ZDBF2: variants seen among roughly 807,000 people sequenced by gnomAD.
The protein encoded by ZDBF2 is DBF4-type zinc finger-containing protein 2.
Under a neutral mutation model 9.4 loss-of-function variants are expected in ZDBF2, and 6 were observed. That is an observed-to-expected ratio of 0.64 (90% confidence interval 0.35 to 1.27). The LOEUF is 1.27. Ranked by LOEUF, ZDBF2 falls within the 50% of genes most tolerant of loss-of-function variation. ZDBF2 has a pLI of 0.03. For synonymous variants in ZDBF2, 905 were observed against 946.3 expected, an observed-to-expected ratio of 0.96 and a Z score of 0.80; for missense variants, 2,697 against 2,766.8, an observed-to-expected ratio of 0.97 and a Z score of 0.57.
rs1199281049 is a variant in ZDBF2 at position 206,308,990 on chromosome 2, G to C, written c.4462G>C (p.Glu1488Gln). 6.2e-7 allele frequency: 1 copy of C among 1,613,798 alleles called. No homozygotes were observed. Among genetic ancestry groups the C allele is most frequent in the African/African-American group, 1.3e-5 (1 of 75,054 alleles). ...LQKEEHVVME[E>Q]KTDQPSDSEM... ...GAAGGAAGAGCATGTTGTCATGGAA[G>C]AAAAGACCGATCAACCTAGTGATTC... The change falls in exon 5 of 5, where the codon GAA becomes CAA. Residue 1488 changes from glutamate (E) to glutamine (Q), a missense_variant. Physicochemically the swap from Glu to Gln is conservative, Grantham distance 29 (BLOSUM62 2). This residue lies in a region of ZDBF2 where 1,783 missense variants were observed against 1,776.5 expected (regional missense o/e 1.00). Coordinates refer to ENST00000374423, the MANE Select transcript of ZDBF2 (RefSeq NM_020923.3).
intron 1 of ZDBF2, among the ~76,000 whole-genome samples, chr2:206,278,820 T>C (rs1691161345): frequency 6.6e-6 from 1 of 152,226 alleles, no homozygotes; most frequent in South Asian, 2.1e-4. Flanking sequence ...TTATTTTTGC[T>C]GAGGCATTTC....
chr2:206,304,825 T>C lies in ZDBF2; in HGVS notation c.297T>C (p.Asp99=), dbSNP rs745856106. The C allele has an allele frequency of 5.0e-6, 8 of 1,613,718 alleles. No homozygotes were observed. The highest frequency in any genetic ancestry group is 6.8e-6 in the Non-Finnish European group (8 of 1,179,782). Residue 99 remains aspartate, a synonymous_variant, in exon 5 of 5, where the codon GAT becomes GAC. Transcript: ENST00000374423. Reference sequence around the variant, plus strand: ...AAGAGGATGAGGATAAGGTTGAGGATGAGGATGCTACCGAAGAGAGACCAT... The same window carrying C: ...AAGAGGATGAGGATAAGGTTGAGGACGAGGATGCTACCGAAGAGAGACCAT... The part of the protein sequence containing the change: ...EEEEDEDKVE[D]EDATEERPSE...
In ZDBF2 at chr2:206,310,356, G is replaced by GCCATAGTA. The variant is rs1236869194; in HGVS notation, c.5830_5837dup (p.Gln1947IlefsTer12). ...TCTCAATGCCAGACAGCGAAAATCA[G>GCCATAGTA]CCATAGTACTCAGACCAGTTGTAAG... is the stretch of plus-strand genomic sequence containing the variant. On this transcript the variant is annotated frameshift_variant, in exon 5 of 5. Coordinates refer to ENST00000374423, the MANE Select transcript of ZDBF2 (RefSeq NM_020923.3). LOFTEE classifies it low-confidence loss of function (END_TRUNC). 10 of 1,613,760 alleles carry GCCATAGTA rather than the reference G, an allele frequency of 6.2e-6. No individual in the cohort carries two copies. The highest frequency in any genetic ancestry group is 8.5e-6 in the Non-Finnish European group (10 of 1,179,886).
intron 3 of ZDBF2, among the ~76,000 whole-genome samples, chr2:206,295,363 C>CTTTTTTTTTTTTTTTTTTT (rs571707187): frequency 9.0e-6 from 1 of 110,980 alleles, no homozygotes; most frequent in Non-Finnish European, 1.8e-5. Flanking sequence ...CTTTTCTTTT[C>CTTTTTTTTTTTTTTTTTTT]TTTTTTTTTT....
At chr2:206,281,515 T>G (rs1408995031) in intron 2 of ZDBF2, among the ~76,000 whole-genome samples, 3 of 152,216 alleles carry the variant, frequency 2.0e-5, no homozygotes, top group Non-Finnish European at 4.4e-5. Flanking sequence ...AATTGAATAT[T>G]GTATTCTTTG....
chr2:206,295,571 G>A (rs1403708237), intron 3 of ZDBF2, among the ~76,000 whole-genome samples: 4 of 151,692 alleles, frequency 2.6e-5, no homozygotes, highest in African/African-American at 7.3e-5. Context: ...ACAGGGTTTC[G>A]TCTTGTTGGC....
In ZDBF2 at chr2:206,309,556, G is replaced by A. The variant is rs773055987; in HGVS notation, c.5028G>A (p.Thr1676=). The change falls in exon 5 of 5, where the codon ACG becomes ACA. Residue 1676 remains threonine (T), a synonymous_variant. Coordinates refer to ENST00000374423, the MANE Select transcript of ZDBF2 (RefSeq NM_020923.3). ...KFNLEDTSHR[T]THRLQKAHKE... ...ATTTGGAAGACACTTCTCATCGAAC[G>A]ACTCACCGACTGCAGAAAGCTCACA... 2.5e-6 allele frequency: 4 copies of A among 1,613,940 alleles called. No individual in the cohort carries two copies. The highest frequency in any genetic ancestry group is 3.4e-6 in the Non-Finnish European group (4 of 1,179,896).
chr2:206,278,374 A>G (rs946362540), intron 1 of ZDBF2, among the ~76,000 whole-genome samples: 4 of 152,194 alleles, frequency 2.6e-5, no homozygotes, highest in African/African-American at 7.2e-5. Flanking sequence ...AATGGTGCTG[A>G]GTAGTTAATA....
At chr2:206,298,146 G>C (rs1276404613) in intron 4 of ZDBF2, among the ~76,000 whole-genome samples, 1 of 152,170 alleles carries the variant, frequency 6.6e-6, no homozygotes, top group East Asian at 1.9e-4. Context: ...TATTTTGATA[G>C]CTTTTCTTGT....
chr2:206,299,877 G>A (rs1484534454), intron 4 of ZDBF2, among the ~76,000 whole-genome samples: 1 of 151,980 alleles, frequency 6.6e-6, no homozygotes, highest in African/African-American at 2.4e-5. Context: ...GGAGGCCGAG[G>A]CGGGCGGATC....
chr2:206,290,011 T>TTAAA (rs1309444760), intron 3 of ZDBF2, among the ~76,000 whole-genome samples: 16 of 152,250 alleles, frequency 1.1e-4, no homozygotes, highest in Non-Finnish European at 2.2e-4. Flanking sequence ...GTTGTTTTTG[T>TTAAA]TAAAATATAG....
In ZDBF2 at chr2:206,309,925, G is replaced by A. The variant is rs752760672; in HGVS notation, c.5397G>A (p.Arg1799=). The A allele has an allele frequency of 1.2e-6, 2 of 1,613,750 alleles. No homozygotes were observed. Among genetic ancestry groups the A allele is most frequent in the Non-Finnish European group, 1.7e-6 (2 of 1,179,830 alleles). ...SSSVLKVDSV[R]NLKKAKDVIE... ...CTGTTCTCAAGGTTGATTCTGTAAG[G>A]AACCTGAAAAAAGCAAAGGATGTCA... is the stretch of plus-strand genomic sequence containing the variant. Residue 1799 remains arginine, a synonymous_variant, in exon 5 of 5, where the codon AGG becomes AGA. Coordinates refer to ENST00000374423, the MANE Select transcript of ZDBF2 (RefSeq NM_020923.3).
At chr2:206,291,899 G>A (rs1691918245) in intron 3 of ZDBF2, among the ~76,000 whole-genome samples, 1 of 152,020 alleles carries the variant, frequency 6.6e-6, no homozygotes. Context: ...GAAGCCAAAA[G>A]AAAGAAAACA....
At chr2:206,300,911 T>C (rs1049939637) in intron 4 of ZDBF2, among the ~76,000 whole-genome samples, 1 of 152,208 alleles carries the variant, frequency 6.6e-6, no homozygotes, top group African/African-American at 2.4e-5. Flanking sequence ...AAATTGTGTA[T>C]GAACATTTGA....
intron 2 of ZDBF2, among the ~76,000 whole-genome samples, chr2:206,279,894 T>TC (rs1691223977): frequency 6.6e-6 from 1 of 152,196 alleles, no homozygotes; most frequent in African/African-American, 2.4e-5. Flanking sequence ...AGCCTCCACC[T>TC]CCTGGGTTCA....
In ZDBF2 at chr2:206,305,728, G is replaced by A. The variant is rs2105951932; in HGVS notation, c.1200G>A (p.Glu400=). Residue 400 remains glutamate, a synonymous_variant, in exon 5 of 5, where the codon GAG becomes GAA. Transcript: ENST00000374423. The part of the protein sequence containing the change: ...EEQIDQEDNY[E]SRGSEMSFDC... ...AAATTGACCAAGAAGATAACTATGA[G>A]TCTAGAGGTTCAGAAATGAGTTTTG... 1 of 1,613,742 alleles carries A rather than the reference G, an allele frequency of 6.2e-7. No individual in the cohort carries two copies. Among genetic ancestry groups the A allele is most frequent in the East Asian group, 2.2e-5 (1 of 44,866 alleles).
intron 4 of ZDBF2, among the ~76,000 whole-genome samples, chr2:206,301,708 T>C (rs1574409689): frequency 6.6e-6 from 1 of 152,102 alleles, no homozygotes; most frequent in Non-Finnish European, 1.5e-5. Flanking sequence ...TGTCTAGACA[T>C]TGTAAATTTT....
In ZDBF2 at chr2:206,310,542, C is replaced by T. The variant is rs1386553011; in HGVS notation, c.6014C>T (p.Pro2005Leu). The change falls in exon 5 of 5, where the codon CCC (proline) becomes CTC (leucine). Residue 2005 changes from proline to leucine, a missense_variant. Pro to Leu is a moderately conservative substitution (Grantham distance 98). Transcript: ENST00000374423. ...SCTKVLKPMQPKALVCVLSSL... is the reference protein window; with the variant it reads ...SCTKVLKPMQLKALVCVLSSL... ...ACTAAAGTTTTGAAGCCTATGCAAC[C>T]CAAAGCCTTAGTCTGTGTTCTTTCT... The T allele has an allele frequency of 3.1e-6, 5 of 1,613,630 alleles. No homozygotes were observed. Among genetic ancestry groups the T allele is most frequent in the Non-Finnish European group, 3.4e-6 (4 of 1,179,798 alleles).
intron 4 of ZDBF2, among the ~76,000 whole-genome samples, chr2:206,299,124 G>C (rs1471742838): frequency 6.6e-6 from 1 of 151,880 alleles, no homozygotes; most frequent in African/African-American, 2.4e-5. Flanking sequence ...CAGGTAATCT[G>C]CCTGCCTCGC....
Sources: gnomAD v4.1 joint callset for allele counts (sites outside exome capture counted in the v4.1 genomes callset) on GRCh38, gnomAD v4.1.1 for gene constraint, gnomAD v4.1.1 regional missense constraint, MANE v1.5 for transcripts, NCBI Gene and HGNC (gene_info 2026-07-23, HGNC 2026-07-21) for gene names.